The following GRIK4 variants were observed in gnomAD, a reference collection of about 807,000 sequenced individuals.
GRIK4 encodes glutamate ionotropic receptor kainate type subunit 4.
In GRIK4, 40 loss-of-function variants were observed where a neutral mutation model predicts 104.9. The ratio of observed to expected loss-of-function variants is 0.38; its 90% CI spans 0.30 to 0.50. The LOEUF is 0.50. GRIK4 is among the 20% of genes least tolerant of loss of function. The pLI is 0.93. For synonymous variants in GRIK4, 485 were observed against 524.9 expected (o/e 0.92, Z 1.04); for missense variants, 1,047 against 1,308.1 (o/e 0.80, Z 3.08).
At chr11:120,836,326 A>G (rs1953573826) in intron 7 of GRIK4, among the ~76,000 whole-genome samples, 3 of 152,232 alleles carry the variant, frequency 2.0e-5, no homozygotes, top group Admixed American at 2.0e-4. Flanking sequence ...GGGAGGAATA[A>G]TAGCGCCAAC....
intron 1 of GRIK4, among the ~76,000 whole-genome samples, chr11:120,625,022 G>A (rs558223341): frequency 9.9e-5 from 15 of 152,254 alleles, no homozygotes; most frequent in Admixed American, 9.8e-4. Flanking sequence ...GGTGGCTCAC[G>A]CCTGTAATCT....
At chr11:120,981,325 C>T (rs1944648455) in intron 19 of GRIK4, among the ~76,000 whole-genome samples, 1 of 152,200 alleles carries the variant, frequency 6.6e-6, no homozygotes, top group African/African-American at 2.4e-5. Context: ...GCAATGAGGA[C>T]ATGACCAGAA....
intron 13 of GRIK4, among the ~76,000 whole-genome samples, chr11:120,908,708 G>A (rs1162428294): frequency 6.6e-6 from 1 of 152,194 alleles, no homozygotes; most frequent in Non-Finnish European, 1.5e-5. Flanking sequence ...CCTATGAAAT[G>A]ATTGCCTCAC....
chr11:120,702,905 A>T (rs1179806021), intron 3 of GRIK4, among the ~76,000 whole-genome samples: 1 of 152,258 alleles, frequency 6.6e-6, no homozygotes, highest in Non-Finnish European at 1.5e-5. Context: ...GGAAGTTACC[A>T]GCACACTTTT....
intron 1 of GRIK4, among the ~76,000 whole-genome samples, chr11:120,594,474 CTAAATAAATAAATAA>C (rs989968580): frequency 1.3e-5 from 2 of 152,114 alleles, no homozygotes; most frequent in African/African-American, 4.8e-5. Flanking sequence ...ACAACCCTGT[CTAAATAAATAAATAA>C]TAAATAAATA....
intron 18 of GRIK4, among the ~76,000 whole-genome samples, chr11:120,964,880 GC>G (rs752017307): frequency 1.2e-4 from 19 of 152,172 alleles, no homozygotes; most frequent in Non-Finnish European, 2.5e-4. Flanking sequence ...CTGGGTGTGA[GC>G]CTAGGATGCT....
chr11:120,780,816 A>G (rs921032366), intron 3 of GRIK4, among the ~76,000 whole-genome samples: 6 of 152,122 alleles, frequency 3.9e-5, no homozygotes, highest in Admixed American at 3.9e-4. Flanking sequence ...ATCTCAGCTC[A>G]CTGCAAGCTC....
At chr11:120,860,632 A>T (rs968937465) in intron 8 of GRIK4, among the ~76,000 whole-genome samples, 4 of 152,190 alleles carry the variant, frequency 2.6e-5, no homozygotes, top group African/African-American at 9.7e-5. Context: ...CTCTTCCACT[A>T]ACTGCAAGCT....
At chr11:120,723,242 T>C (rs1408057219) in intron 3 of GRIK4, among the ~76,000 whole-genome samples, 1 of 152,208 alleles carries the variant, frequency 6.6e-6, no homozygotes, top group Non-Finnish European at 1.5e-5. Context: ...TTCTTACATG[T>C]TACGTTAATA....
intron 1 of GRIK4, chr11:120,620,300 C>T (rs1949170368): frequency 2.9e-6 from 2 of 690,282 alleles, no homozygotes; most frequent in Non-Finnish European, 5.4e-6. Context: ...ACTTTGCTTC[C>T]TCAGGAACTT....
At chr11:120,964,771 C>G (rs559227159) in intron 18 of GRIK4, among the ~76,000 whole-genome samples, 1 of 152,276 alleles carries the variant, frequency 6.6e-6, no homozygotes, top group East Asian at 1.9e-4. Context: ...AATAGTCCCC[C>G]CTGCAAGATA....
intron 1 of GRIK4, among the ~76,000 whole-genome samples, chr11:120,608,085 C>T (rs1167837271): frequency 6.6e-6 from 1 of 152,088 alleles, no homozygotes; most frequent in African/African-American, 2.4e-5. Context: ...AGAGAGGCAG[C>T]TGTACGAGGT....
chr11:120,692,068 C>T (rs1443967804), intron 3 of GRIK4, among the ~76,000 whole-genome samples: 2 of 152,344 alleles, frequency 1.3e-5, no homozygotes, highest in East Asian at 3.9e-4. Flanking sequence ...TCCCTGTGCC[C>T]AGCCAGCCAG....
chr11:120,917,474 T>C (rs1339565700), intron 13 of GRIK4, among the ~76,000 whole-genome samples: 2 of 151,982 alleles, frequency 1.3e-5, no homozygotes, highest in South Asian at 2.1e-4. Flanking sequence ...GGCACAGGCA[T>C]GTAAGATAAT....
chr11:120,530,214 G>A (rs1739326476), intron 1 of GRIK4, among the ~76,000 whole-genome samples: 1 of 152,236 alleles, frequency 6.6e-6, no homozygotes, highest in Non-Finnish European at 1.5e-5. Flanking sequence ...CAGTGTATTA[G>A]TATTTATTAC....
rs577668812 is a variant in GRIK4, at chr11:120,828,758, G to A, written c.512-3094G>A. 7.2e-5 allele frequency among the ~76,000 whole-genome samples: 11 copies of A among 152,282 alleles called. No homozygotes were observed. The East Asian group carries it at 1.5e-3, about 21-fold the overall frequency. Reference sequence around the variant, plus strand: ...TCCTCCTCTCTCCTGTCCCCGCCCCGCGTCTCAGCACACAGAGCATGTTAT... The same window carrying A: ...TCCTCCTCTCTCCTGTCCCCGCCCCACGTCTCAGCACACAGAGCATGTTAT... On this transcript the variant is annotated intron_variant, in intron 6 of 20. Transcript: ENST00000527524.
At chr11:120,565,828 G>A (rs977770341) in intron 1 of GRIK4, among the ~76,000 whole-genome samples, 1 of 152,182 alleles carries the variant, frequency 6.6e-6, no homozygotes, top group African/African-American at 2.4e-5. Flanking sequence ...CTAATAGCAC[G>A]TTAGTTGCCA....
intron 1 of GRIK4, among the ~76,000 whole-genome samples, chr11:120,560,080 C>T (rs1948223506): frequency 6.6e-6 from 1 of 151,704 alleles, no homozygotes; most frequent in South Asian, 2.1e-4. Flanking sequence ...GAGACAGTCT[C>T]ACTCTATTGC....
At chr11:120,803,800 A>C (rs1486083461) in intron 4 of GRIK4, among the ~76,000 whole-genome samples, 3 of 152,228 alleles carry the variant, frequency 2.0e-5, no homozygotes, top group Non-Finnish European at 2.9e-5. Context: ...TTTTACAGGC[A>C]TATGTAGTAG....
Sources: gnomAD v4.1 joint callset for allele counts (sites outside exome capture counted in the v4.1 genomes callset) on GRCh38, gnomAD v4.1.1 for gene constraint, MANE v1.5 for transcripts, NCBI Gene and HGNC (gene_info 2026-07-23, HGNC 2026-07-21) for gene names.